ACER2: variants seen among roughly 807,000 people sequenced by gnomAD.
The protein encoded by ACER2 is alkaline ceramidase 2, also known as alkCDase 2.
A neutral mutation model predicts 34.7 loss-of-function variants in ACER2; 26 were observed. The ratio of observed to expected loss-of-function variants is 0.75; its 90% CI spans 0.55 to 1.04. The LOEUF (loss-of-function observed/expected upper bound fraction) is 1.04, where lower values mean the gene tolerates loss of function less well. Ranked by LOEUF, ACER2 falls within the 50% of genes least tolerant of loss-of-function variation. ACER2 has a pLI of 0.00. For synonymous variants in ACER2, 138 were observed against 132.1 expected (o/e 1.04, Z -0.31); for missense variants, 352 against 340.8 (o/e 1.03, Z -0.26).
intron 5 of ACER2, chr9:19,446,786 G>A (rs1472380238): frequency 1.1e-5 from 4 of 366,568 alleles, no homozygotes; most frequent in Non-Finnish European, 1.1e-5. Context: ...TGATGTGAGG[G>A]CTGGGAGGGT....
At position 19,424,680 on chromosome 9, in the gene ACER2, T is replaced by C. The variant is rs1830506941; in HGVS notation, c.224-20T>C. The C allele has an allele frequency of 6.2e-7, 1 of 1,612,028 alleles. No individual in the cohort carries two copies. The highest frequency in any genetic ancestry group is 8.5e-7 in the Non-Finnish European group (1 of 1,179,860). On this transcript the variant is annotated intron_variant, in intron 2 of 5. Coordinates refer to ENST00000340967, the MANE Select transcript of ACER2 (RefSeq NM_001010887.3). ...TCTCTTCTGTGGTGACCTTTTTTTATTGGTTGTAATTGATTCTAGGAATTG... is the reference window on the plus strand; with the variant it reads ...TCTCTTCTGTGGTGACCTTTTTTTACTGGTTGTAATTGATTCTAGGAATTG...
chr9:19,434,424 C>T (rs1163323087), intron 3 of ACER2, among the ~76,000 whole-genome samples: 3 of 152,262 alleles, frequency 2.0e-5, no homozygotes, highest in Non-Finnish European at 2.9e-5. Context: ...AGGCAGGCAG[C>T]TGGGAGGTGG....
intron 4 of ACER2, among the ~76,000 whole-genome samples, chr9:19,437,059 A>G (rs1043210692): frequency 6.6e-6 from 1 of 152,166 alleles, no homozygotes; most frequent in Non-Finnish European, 1.5e-5. Flanking sequence ...AAGATTGTGT[A>G]TTCAACCTTT....
intron 3 of ACER2, among the ~76,000 whole-genome samples, chr9:19,426,262 CT>C (rs1467646904): frequency 6.7e-6 from 1 of 148,670 alleles, no homozygotes; most frequent in Non-Finnish European, 1.5e-5. Flanking sequence ...ACATTAATCT[CT>C]TTCTTTCTTT....
At chr9:19,415,865 C>T (rs1830226177) in intron 1 of ACER2, among the ~76,000 whole-genome samples, 1 of 152,010 alleles carries the variant, frequency 6.6e-6, no homozygotes, top group Admixed American at 6.6e-5. Context: ...CCATCTGCCT[C>T]ACTTACAGCA....
intron 3 of ACER2, among the ~76,000 whole-genome samples, chr9:19,430,053 AGAAAT>A (rs1252137276): frequency 2.6e-5 from 4 of 152,124 alleles, no homozygotes; most frequent in Non-Finnish European, 4.4e-5. Flanking sequence ...ATTTCATTTC[AGAAAT>A]GAAATGAAAT....
At chr9:19,433,777 C>A (rs1180334816) in intron 3 of ACER2, among the ~76,000 whole-genome samples, 4 of 145,774 alleles carry the variant, frequency 2.7e-5, no homozygotes. Context: ...GCTGGCCGGG[C>A]GGGGGGCTGA....
intron 5 of ACER2, among the ~76,000 whole-genome samples, chr9:19,447,495 G>A (rs968821634): frequency 2.0e-5 from 3 of 152,090 alleles, no homozygotes; most frequent in Non-Finnish European, 2.9e-5. Context: ...TCCATTGCTC[G>A]ATATTTTTTA....
chr9:19,409,334 C>G (rs975566696), intron 1 of ACER2, 142 bp downstream of exon 1: 10 of 721,756 alleles, frequency 1.4e-5, no homozygotes, highest in Non-Finnish European at 2.3e-5. Context: ...CACACCCCCT[C>G]CTCGGCGCGC....
At chr9:19,426,358 TTCTCTCTCTCTC>T (rs59963606) in intron 3 of ACER2, among the ~76,000 whole-genome samples, 46 of 118,320 alleles carry the variant, frequency 3.9e-4, no homozygotes, top group Admixed American at 5.9e-4. Flanking sequence ...CTCCCTCTCT[TTCTCTCTCTCTC>T]TCTCTCTCTC....
intron 3 of ACER2, among the ~76,000 whole-genome samples, chr9:19,433,976 C>T (rs1004891308): frequency 7.3e-5 from 11 of 151,360 alleles, no homozygotes; most frequent in African/African-American, 2.7e-4. Context: ...CCCTCCCGGA[C>T]GGGGTGGCTG....
At chr9:19,434,828 A>G in intron 3 of ACER2, 119 bp from the exon 4 acceptor site, 8 of 1,311,206 alleles carry the variant, frequency 6.1e-6, no homozygotes, top group Non-Finnish European at 8.5e-6. Flanking sequence ...CTTGGTACTT[A>G]GCGCAGAATT....
intron 3 of ACER2, among the ~76,000 whole-genome samples, chr9:19,433,149 C>CTTTTTT (rs57915019): frequency 8.5e-3 from 522 of 61,116 alleles, no homozygotes; most frequent in Middle Eastern, 0.01. Context: ...GTGTGAGTGG[C>CTTTTTT]TTTTTTTTTT....
chr9:19,438,168 A>G (rs970181785), intron 4 of ACER2, among the ~76,000 whole-genome samples: 4 of 152,318 alleles, frequency 2.6e-5, no homozygotes, highest in Middle Eastern at 3.4e-3. Context: ...CATTTACTTC[A>G]CTTACTTAGG....
chr9:19,414,821 G>A (rs1424768828), intron 1 of ACER2, among the ~76,000 whole-genome samples: 7 of 149,936 alleles, frequency 4.7e-5, no homozygotes, highest in African/African-American at 1.7e-4. Flanking sequence ...ACTCCAACCT[G>A]GCTGACAGAG....
intron 1 of ACER2, among the ~76,000 whole-genome samples, chr9:19,415,064 T>A (rs532727625): frequency 6.6e-6 from 1 of 152,262 alleles, no homozygotes; most frequent in South Asian, 2.1e-4. Context: ...TATGTTGACG[T>A]CTTTAAAAGG....
intron 4 of ACER2, among the ~76,000 whole-genome samples, chr9:19,444,244 C>G (rs1294117737): frequency 6.8e-6 from 1 of 146,408 alleles, no homozygotes; most frequent in Non-Finnish European, 1.5e-5. Context: ...CGGAGTCTTG[C>G]TCTGTCCCCT....
At position 19,448,444 on chromosome 9, in the gene ACER2, CTTTATAA is replaced by C. The variant is rs558223264; in HGVS notation, c.642-2000_642-1994del. On this transcript the variant is annotated intron_variant, in intron 5 of 5. Coordinates refer to ENST00000340967, the MANE Select transcript of ACER2 (RefSeq NM_001010887.3). ...TAATAAATGCTTCATAATATGGACA[CTTTATAA>C]TTTATTTAACCAACCTCTCTCTGAT... Among the ~76,000 whole-genome samples, 88 of 152,266 alleles carry C rather than the reference CTTTATAA, an allele frequency of 5.8e-4. 1 individual carries two copies. The South Asian group carries it at 0.014, about 25-fold the overall frequency.
At chr9:19,427,289 G>T (rs2132484496) in intron 3 of ACER2, among the ~76,000 whole-genome samples, 1 of 152,318 alleles carries the variant, frequency 6.6e-6, no homozygotes, top group Admixed American at 6.5e-5. Flanking sequence ...TCTGAGATAT[G>T]CATACAAATC....
Sources: allele counts gnomAD v4.1 joint callset (sites outside exome capture counted in the v4.1 genomes callset), GRCh38; gene constraint gnomAD v4.1.1; transcripts MANE v1.5; gene names NCBI Gene and HGNC (gene_info 2026-07-23, HGNC 2026-07-21).